SMC4: variants seen among roughly 807,000 people sequenced by gnomAD.
SMC4 encodes structural maintenance of chromosomes 4, also known as structural maintenance of chromosomes protein 4.
SMC4 carries 87 observed loss-of-function variants against 145.6 expected under a neutral mutation model. The observed-to-expected ratio is 0.60, with a 90% CI of 0.50 to 0.71. The LOEUF is 0.71. Among genes scored for constraint, SMC4 ranks in the 30% least tolerant of loss-of-function variants. The pLI is 0.00. For synonymous variants in SMC4, 558 were observed against 500.7 expected (o/e 1.11, Z -1.53); for missense variants, 1,447 against 1,537.1 (o/e 0.94, Z 0.98).
intron 9 of SMC4, among the ~76,000 whole-genome samples, chr3:160,415,162 A>G (rs1028843997): frequency 6.6e-6 from 1 of 152,208 alleles, no homozygotes; most frequent in African/African-American, 2.4e-5. Flanking sequence ...GCTTGATGCC[A>G]GGAGTTTAAG....
At chr3:160,418,742 CT>C (rs1390024371) in intron 11 of SMC4, among the ~76,000 whole-genome samples, 1 of 152,036 alleles carries the variant, frequency 6.6e-6, no homozygotes, top group Non-Finnish European at 1.5e-5. Flanking sequence ...TAATTTAAAT[CT>C]AGTGGATGGA....
intron 15 of SMC4, among the ~76,000 whole-genome samples, chr3:160,424,448 T>C (rs1717544828): frequency 6.6e-6 from 1 of 152,190 alleles, no homozygotes; most frequent in Admixed American, 6.5e-5. Context: ...AGAAATTACT[T>C]GACCATCTCC....
intron 11 of SMC4, 75 bp from the exon 12 acceptor site, chr3:160,419,283 A>AG (rs1716915955): frequency 1.1e-6 from 1 of 944,398 alleles, no homozygotes; most frequent in Admixed American, 3.1e-5. Context: ...TTAAAGCATT[A>AG]CAACTAATTC....
intron 7 of SMC4, among the ~76,000 whole-genome samples, chr3:160,413,128 A>G (rs1716197569): frequency 6.6e-6 from 1 of 151,588 alleles, no homozygotes; most frequent in Non-Finnish European, 1.5e-5. Flanking sequence ...TGTTGCTGGG[A>G]TTTTTTTGTT....
At chr3:160,409,786 A>G (rs962577845) in intron 5 of SMC4, among the ~76,000 whole-genome samples, 1 of 152,186 alleles carries the variant, frequency 6.6e-6, no homozygotes, top group Non-Finnish European at 1.5e-5. Context: ...CAACTTCTAG[A>G]CTAGGCATGG....
intron 4 of SMC4, chr3:160,403,998 T>A (rs1428242418): frequency 4.4e-6 from 1 of 229,286 alleles, no homozygotes; most frequent in East Asian, 1.3e-4. Flanking sequence ...GTTAATAATT[T>A]GTGTGGGTTT....
intron 15 of SMC4, among the ~76,000 whole-genome samples, chr3:160,424,631 A>C (rs1488719415): frequency 6.6e-6 from 1 of 152,064 alleles, no homozygotes; most frequent in African/African-American, 2.4e-5. Context: ...ACATAGGGAA[A>C]CCACGTCTCT....
At chr3:160,404,089 C>G (rs1345118454) in intron 4 of SMC4, 6 of 403,190 alleles carry the variant, frequency 1.5e-5, no homozygotes, top group African/African-American at 1.3e-4. Context: ...TTTTCGTTGG[C>G]TGGTTGGTTT....
In SMC4 at chr3:160,433,691, C is replaced by A; in HGVS notation, c.3749C>A (p.Ser1250Tyr). 6.3e-7 allele frequency: 1 copy of A among 1,577,872 alleles called. No homozygotes were observed. The highest frequency in any genetic ancestry group is 8.6e-7 in the Non-Finnish European group (1 of 1,161,258). ...AAAAATGCACAGTTCATAATAATTT[C>A]TCTTCGAAATAATATGTTTGAGATT... ...QTKNAQFIII[S>Y]LRNNMFEISD... is the part of the protein sequence containing the mutation. Residue 1250 changes from serine to tyrosine, a missense_variant, in exon 24 of 24, where the codon TCT becomes TAT. Physicochemically the swap from Ser to Tyr is moderately radical, Grantham distance 144. Transcript: ENST00000357388.
At chr3:160,419,301 T>TG in intron 11 of SMC4, 57 bp from the exon 12 acceptor site, 1 of 1,168,306 alleles carries the variant, frequency 8.6e-7, no homozygotes. Context: ...TTCAGTGCTA[T>TG]GACTGGTCAT....
chr3:160,432,630 A>G, intron 22 of SMC4, 115 bp downstream of exon 22: 1 of 657,136 alleles, frequency 1.5e-6, no homozygotes, highest in East Asian at 2.8e-5. Context: ...TGTTTCATTT[A>G]CTAGTAAATA....
intron 17 of SMC4, among the ~76,000 whole-genome samples, chr3:160,427,964 C>T (rs1200923624): frequency 6.6e-6 from 1 of 151,992 alleles, no homozygotes; most frequent in Non-Finnish European, 1.5e-5. Flanking sequence ...CACACACACA[C>T]GCCGGGTGTG....
chr3:160,428,829 C>G lies in SMC4; in HGVS notation c.2682C>G (p.Ile894Met). The G allele has an allele frequency of 6.2e-7, 1 of 1,606,634 alleles. No homozygotes were observed. The highest frequency in any genetic ancestry group is 1.1e-5 in the South Asian group (1 of 89,192). The change falls in exon 18 of 24, where the codon ATC becomes ATG. Residue 894 changes from isoleucine (I) to methionine (M), a missense_variant. Transcript: ENST00000357388. ...GCTTACACAATACCATCGTAGAAAT[C>G]AATAATCATAAACTCAAGGCCCAAC... ...VKRLHNTIVE[I>M]NNHKLKAQQD...
At position 160,404,391 on chromosome 3, in the gene SMC4, G is replaced by A. The variant is rs759708371; in HGVS notation, c.574G>A (p.Asp192Asn). ...NFYVSRTACR[D>N]NTSVYHISGK... is the part of the protein sequence containing the mutation. ...CTATGTATCCAGAACGGCCTGCAGA[G>A]ATAATACTTCTGTCTATCACATAAG... Residue 192 changes from aspartate (D) to asparagine (N), a missense_variant, in exon 5 of 24, where the codon GAT (aspartate) becomes AAT (asparagine). Physicochemically the swap from Asp to Asn is conservative, Grantham distance 23. Transcript: ENST00000357388. 5.0e-6 allele frequency: 8 copies of A among 1,611,078 alleles called. No homozygotes were observed. The South Asian group carries it at 7.8e-5, about 16-fold the overall frequency.
intron 13 of SMC4, among the ~76,000 whole-genome samples, chr3:160,422,071 T>C (rs1470037952): frequency 6.6e-6 from 1 of 152,258 alleles, no homozygotes; most frequent in Non-Finnish European, 1.5e-5. Flanking sequence ...CAAATGGTAT[T>C]CTGTTACATC....
intron 12 of SMC4, among the ~76,000 whole-genome samples, chr3:160,420,364 C>A (rs1180609103): frequency 6.6e-6 from 1 of 152,134 alleles, no homozygotes; most frequent in East Asian, 1.9e-4. Flanking sequence ...TCAAAGAAAG[C>A]CCAAACCAGT....
At chr3:160,404,139 A>C in intron 4 of SMC4, 189 bp from the exon 5 acceptor site, 1 of 533,964 alleles carries the variant, frequency 1.9e-6, no homozygotes, top group Non-Finnish European at 3.2e-6. Flanking sequence ...AGGGACCAAA[A>C]CAGCATGGAA....
At chr3:160,422,206 G>GGT (rs1362409034) in intron 13 of SMC4, among the ~76,000 whole-genome samples, 2 of 152,038 alleles carry the variant, frequency 1.3e-5, no homozygotes, top group Non-Finnish European at 2.9e-5. Flanking sequence ...AGTTCTCTTG[G>GGT]GTATATATAT....
chr3:160,430,420 TAAGTGTTTGTATA>T (rs1718272786), intron 18 of SMC4, among the ~76,000 whole-genome samples, 166 bp from the exon 19 acceptor site: 1 of 152,190 alleles, frequency 6.6e-6, no homozygotes, highest in South Asian at 2.1e-4. Flanking sequence ...ACTCATCCCA[TAAGTGTTTGTATA>T]AACCTACAAA....
Sources: gnomAD v4.1 joint callset for allele counts (sites outside exome capture counted in the v4.1 genomes callset) on GRCh38, gnomAD v4.1.1 for gene constraint, MANE v1.5 for transcripts, NCBI Gene and HGNC (gene_info 2026-07-23, HGNC 2026-07-21) for gene names.